The following ABR variants were observed in gnomAD, a reference collection of about 807,000 sequenced individuals.
ABR encodes ABR activator of RhoGEF and GTPase.
Under a neutral mutation model 107.2 loss-of-function variants are expected in ABR, and 35 were observed. The observed-to-expected ratio is 0.33, with a 90% CI of 0.25 to 0.43. The LOEUF is 0.43. ABR is among the 20% of genes least tolerant of loss of function. The probability of loss-of-function intolerance (pLI) is 1.00; values close to 1 mark genes in which losing one functional copy is unlikely to be tolerated. For missense variants in ABR, 815 were observed against 1,115.2 expected (o/e 0.73, Z 3.83); for synonymous variants, 498 against 462.0 (o/e 1.08, Z -1.00).
chr17:1,124,134 T>G, intron 2 of ABR, among the ~76,000 whole-genome samples: 1 of 151,242 alleles, frequency 6.6e-6, no homozygotes, highest in African/African-American at 2.4e-5. Context: ...CCCCGGTGTG[T>G]GAAGAGGGGT....
chr17:1,207,905 G>A (rs1005558617), intron 1 of ABR, among the ~76,000 whole-genome samples: 5 of 151,708 alleles, frequency 3.3e-5, no homozygotes, highest in African/African-American at 1.2e-4. Flanking sequence ...GAGTAGCTGG[G>A]ATTACAAGGC....
chr17:1,005,676 TACAC>T lies in ABR; in HGVS notation c.*400_*403del, dbSNP rs1248440790. On this transcript the variant is annotated 3_prime_UTR_variant, in exon 23 of 23. Transcript: ENST00000302538. ...GGCCAAGAGAGAAGCTGGCAGCAGTTACACAGCGCAAAATAAAAGGCCTTGGGCT... is the reference window on the plus strand; with the variant it reads ...GGCCAAGAGAGAAGCTGGCAGCAGTTAGCGCAAAATAAAAGGCCTTGGGCT... 4.4e-6 allele frequency: 1 copy of T among 228,502 alleles called. No homozygotes were observed. Among genetic ancestry groups the T allele is most frequent in the South Asian group, 6.7e-5 (1 of 14,858 alleles). 14.2% of individuals were successfully genotyped at this position (228,502 alleles called of 1,614,324 possible). A position where few individuals can be genotyped will look rare whatever the true frequency, so the allele number is the denominator to read the frequency against.
Position 1,067,109 on chromosome 17 carries a change from T to A in ABR, c.1150A>T (p.Ile384Phe). Residue 384 changes from isoleucine to phenylalanine, a missense_variant, in exon 10 of 23, where the codon ATC (isoleucine) becomes TTC (phenylalanine). Transcript: ENST00000302538. ...DHELEDMKMK[I>F]SALKSEIQKE... ...TGGATTTCACTCTTGAGGGCAGAGA[T>A]CTTCATCTTCATGTCCTCCAGCTCA... is the stretch of plus-strand genomic sequence containing the variant. The A allele has an allele frequency of 6.2e-7, 1 of 1,613,774 alleles. No homozygotes were observed. The highest frequency in any genetic ancestry group is 8.5e-7 in the Non-Finnish European group (1 of 1,179,930).
At chr17:1,030,407 G>A (rs1806522476) in intron 16 of ABR, among the ~76,000 whole-genome samples, 1 of 152,234 alleles carries the variant, frequency 6.6e-6, no homozygotes, top group Non-Finnish European at 1.5e-5. Context: ...AGGGGCTGGG[G>A]AGGGGATGAG....
chr17:1,071,586 T>C lies in ABR; in HGVS notation c.894+1028A>G, dbSNP rs939546157. Reference sequence around the variant, plus strand: ...CCCACATGCAGGTGCCCACTGGACATTCCGGCAACCTGGACGGCCTCCACC... The same window carrying C: ...CCCACATGCAGGTGCCCACTGGACACTCCGGCAACCTGGACGGCCTCCACC... On this transcript the variant is annotated intron_variant, in intron 8 of 22. Transcript: ENST00000302538. This position sits in a 1 kb window ranked among gnomAD's most constrained non-coding sequence, Gnocchi z 5.1. 5.3e-5 allele frequency among the ~76,000 whole-genome samples: 8 copies of C among 152,222 alleles called. No homozygotes were observed. Among genetic ancestry groups the C allele is most frequent in the Non-Finnish European group, 1.0e-4 (7 of 68,026 alleles).
chr17:1,066,139 A>G (rs995400893), intron 10 of ABR, among the ~76,000 whole-genome samples: 1 of 152,112 alleles, frequency 6.6e-6, no homozygotes, highest in Non-Finnish European at 1.5e-5. Context: ...TCAGCCTCCC[A>G]AAGTTCTGGG....
chr17:1,127,835 C>T (rs1477133335), intron 1 of ABR, among the ~76,000 whole-genome samples: 1 of 152,208 alleles, frequency 6.6e-6, no homozygotes, highest in Non-Finnish European at 1.5e-5. Context: ...CCCACATGCA[C>T]AGTTCATCCT....
At chr17:1,141,919 C>T (rs1007087859) in intron 1 of ABR, among the ~76,000 whole-genome samples, 1 of 151,954 alleles carries the variant, frequency 6.6e-6, no homozygotes. Flanking sequence ...CCACCACGCC[C>T]GGATAATTTT....
At chr17:1,069,392 G>A (rs1364166192) in intron 9 of ABR, among the ~76,000 whole-genome samples, 2 of 152,154 alleles carry the variant, frequency 1.3e-5, no homozygotes, top group African/African-American at 2.4e-5. Context: ...GGCCAGGCGC[G>A]GTGGCTCATG....
intron 1 of ABR, among the ~76,000 whole-genome samples, chr17:1,177,239 A>C (rs1323417301): frequency 1.3e-5 from 2 of 152,224 alleles, no homozygotes; most frequent in Non-Finnish European, 2.9e-5. Context: ...TCAAGAGGAA[A>C]GTTGATGGCT....
Position 1,179,820 on chromosome 17 carries a change from C to T in ABR, c.-93G>A. On this transcript the variant is annotated 5_prime_UTR_variant, in exon 1 of 23. Coordinates refer to ENST00000302538, the MANE Select transcript of ABR (RefSeq NM_021962.5). This position sits in a 1 kb window ranked among gnomAD's most constrained non-coding sequence, Gnocchi z 4.9. ...CGGGAGCCGGGGGAGGCCGAAGTTG[C>T]GAGCGCGGAGGGGCGAGGAGGCCGG... 3.1e-6 allele frequency: 4 copies of T among 1,285,770 alleles called. No individual in the cohort carries two copies. The highest frequency in any genetic ancestry group is 1.6e-5 in the African/African-American group (1 of 64,104). The allele number at this position is 1,285,770 out of a possible 1,614,324, so 79.6% of individuals were successfully genotyped here. A position where few individuals can be genotyped will look rare whatever the true frequency, so the allele number is the denominator to read the frequency against.
intron 4 of ABR, among the ~76,000 whole-genome samples, chr17:1,085,032 C>T (rs976712803): frequency 1.3e-4 from 19 of 151,390 alleles, no homozygotes; most frequent in Admixed American, 3.3e-4. Flanking sequence ...AAACTCCCAA[C>T]CTCAGGTGAT....
At chr17:1,158,438 G>A (rs952717321) in intron 1 of ABR, among the ~76,000 whole-genome samples, 2 of 151,452 alleles carry the variant, frequency 1.3e-5, no homozygotes, top group South Asian at 2.1e-4. Context: ...CATTGTATGT[G>A]CTGTTTTGCA....
intron 6 of ABR, among the ~76,000 whole-genome samples, chr17:1,075,325 G>A (rs920253297): frequency 1.3e-5 from 2 of 152,268 alleles, no homozygotes; most frequent in Non-Finnish European, 2.9e-5. Flanking sequence ...GGTCATCTGG[G>A]AAGAAGGATC....
Position 1,179,314 on chromosome 17 carries a change from C to A in ABR, c.61+353G>T, listed in dbSNP as rs922378759. Among the ~76,000 whole-genome samples the A allele has an allele frequency of 6.6e-6, 1 of 152,090 alleles. No homozygotes were observed. The highest frequency in any genetic ancestry group is 2.4e-5 in the African/African-American group (1 of 41,410). On this transcript the variant is annotated intron_variant, in intron 1 of 22. Coordinates refer to ENST00000302538, the MANE Select transcript of ABR (RefSeq NM_021962.5). This position sits in a 1 kb window ranked among gnomAD's most constrained non-coding sequence, Gnocchi z 4.9. ...GGGGCGGGGGCAGCACCCAGAAGGG[C>A]CTCCCTCCCCTGAGGCTCGCGGAGG...
At chr17:1,124,175 G>A (rs973680302) in intron 2 of ABR, among the ~76,000 whole-genome samples, 1 of 152,142 alleles carries the variant, frequency 6.6e-6, no homozygotes, top group Non-Finnish European at 1.5e-5. Context: ...AGGGTGGCCG[G>A]GGGGGCTGGA....
chr17:1,050,654 G>A lies in ABR; in HGVS notation c.1562-20C>T, dbSNP rs144743584. 0.011 allele frequency: 17,204 copies of A among 1,603,562 alleles called. 141 individuals carry two copies. The highest frequency in any genetic ancestry group is 0.03 in the Middle Eastern group (179 of 6,048). On this transcript the variant is annotated intron_variant, in intron 14 of 22. Transcript: ENST00000302538. The surrounding 1 kb of genome is among the most constrained non-coding windows in gnomAD (Gnocchi z 4.6). ...ACAGGTCTGTGGGGGAAGGACAGACGGAGATACTGAGTGAGTGGGGCCAGG... is the reference window on the plus strand; with the variant it reads ...ACAGGTCTGTGGGGGAAGGACAGACAGAGATACTGAGTGAGTGGGGCCAGG...
chr17:1,091,117 G>A (rs1392456104), intron 4 of ABR, among the ~76,000 whole-genome samples: 1 of 152,174 alleles, frequency 6.6e-6, no homozygotes, highest in Non-Finnish European at 1.5e-5. Flanking sequence ...CCTCAGGAGA[G>A]GATCATCGGC....
chr17:1,218,127 A>G (rs2043049060), intron 1 of ABR, among the ~76,000 whole-genome samples: 1 of 152,200 alleles, frequency 6.6e-6, no homozygotes, highest in African/African-American at 2.4e-5. Context: ...TTTCATTTAT[A>G]CGGAGCTCAC....
Sources: allele counts gnomAD v4.1 joint callset (sites outside exome capture counted in the v4.1 genomes callset), GRCh38; gene constraint gnomAD v4.1.1; non-coding constraint Gnocchi (gnomAD v3.1); transcripts MANE v1.5; gene names NCBI Gene and HGNC (gene_info 2026-07-23, HGNC 2026-07-21).